The following ARFGEF1 variants were observed in gnomAD, a reference collection of about 807,000 sequenced individuals.
ARFGEF1 encodes the protein brefeldin A-inhibited guanine nucleotide-exchange protein 1.
ARFGEF1 carries 42 observed loss-of-function variants against 231.0 expected under a neutral mutation model. That is an observed-to-expected ratio of 0.18 (90% CI 0.14 to 0.24). ARFGEF1 has a LOEUF of 0.24. Among genes scored for constraint, ARFGEF1 ranks in the 10% least tolerant of loss-of-function variants. The probability of loss-of-function intolerance (pLI) is 1.00; values close to 1 mark genes in which losing one functional copy is unlikely to be tolerated. For synonymous variants in ARFGEF1, 710 were observed against 732.3 expected (o/e 0.97, Z 0.49); for missense variants, 1,345 against 2,192.0 (o/e 0.61, Z 7.72).
intron 7 of ARFGEF1, among the ~76,000 whole-genome samples, chr8:67,281,955 G>A (rs1805554070): frequency 6.6e-6 from 1 of 152,118 alleles, no homozygotes. Flanking sequence ...TTCTGGAGGA[G>A]AAGACTCGAT....
At chr8:67,175,822 G>C (rs1831484225) in intron 5 of ARFGEF1, among the ~76,000 whole-genome samples, 1 of 152,236 alleles carries the variant, frequency 6.6e-6, no homozygotes, top group Admixed American at 6.5e-5. Context: ...GTCTACTGTG[G>C]TGTGAGTGTG....
At chr8:67,211,208 G>A (rs1472473696) in intron 34 of ARFGEF1, among the ~76,000 whole-genome samples, 2 of 150,620 alleles carry the variant, frequency 1.3e-5, no homozygotes, top group Non-Finnish European at 3.0e-5. Context: ...GCCGGGCATG[G>A]TGGTACACAC....
chr8:67,333,553 ATC>A (rs1359115161), intron 1 of ARFGEF1, among the ~76,000 whole-genome samples: 2 of 151,652 alleles, frequency 1.3e-5, no homozygotes, highest in Admixed American at 6.6e-5. Context: ...GGATCAAGGG[ATC>A]TCCCTGTCTT....
At chr8:67,341,812 C>T (rs1276881492) in intron 1 of ARFGEF1, among the ~76,000 whole-genome samples, 1 of 152,138 alleles carries the variant, frequency 6.6e-6, no homozygotes, top group Non-Finnish European at 1.5e-5. Context: ...CGGGAACAGT[C>T]TTTTGTTAGC....
intron 8 of ARFGEF1, among the ~76,000 whole-genome samples, chr8:67,276,323 T>C (rs1805311933): frequency 6.6e-6 from 1 of 152,080 alleles, no homozygotes; most frequent in African/African-American, 2.4e-5. Flanking sequence ...ACTTTAAAAA[T>C]ATTCCTTATT....
Position 67,258,072 on chromosome 8 carries a change from G to A in ARFGEF1, c.2441+13C>T, listed in dbSNP as rs1563869227. ...TATAACAGACAATCAATGAGCATTTGAACCTTATTTACCCTTGGTTGCATT... is the reference window on the plus strand; with the variant it reads ...TATAACAGACAATCAATGAGCATTTAAACCTTATTTACCCTTGGTTGCATT... On this transcript the variant is annotated intron_variant, in intron 16 of 38. Coordinates refer to ENST00000262215, the MANE Select transcript of ARFGEF1 (RefSeq NM_006421.5). The A allele has an allele frequency of 9.4e-6, 15 of 1,600,538 alleles. No individual in the cohort carries two copies. Among genetic ancestry groups the A allele is most frequent in the Non-Finnish European group, 1.1e-5 (13 of 1,167,898 alleles).
intron 20 of ARFGEF1, among the ~76,000 whole-genome samples, chr8:67,239,537 T>TA (rs564176207): frequency 0.04 from 5,905 of 146,628 alleles, 265 homozygotes; most frequent in African/African-American, 0.1. Flanking sequence ...ATTCACACAG[T>TA]AAAAAAAAAA....
intron 5 of ARFGEF1, among the ~76,000 whole-genome samples, chr8:67,182,104 A>C (rs1833195354): frequency 6.6e-6 from 1 of 152,014 alleles, no homozygotes. Flanking sequence ...CTGTGCTCAG[A>C]TGATTCTCCT....
intron 9 of ARFGEF1, among the ~76,000 whole-genome samples, chr8:67,274,524 A>C (rs1260763958): frequency 6.6e-6 from 1 of 152,052 alleles, no homozygotes; most frequent in Non-Finnish European, 1.5e-5. Flanking sequence ...TTCCTCATAA[A>C]AATCCTTTGT....
At chr8:67,336,415 G>A (rs182339186) in intron 1 of ARFGEF1, among the ~76,000 whole-genome samples, 17 of 152,326 alleles carry the variant, frequency 1.1e-4, no homozygotes, top group African/African-American at 3.6e-4. Context: ...CATTTCCTAA[G>A]GCTGCCTTAA....
At chr8:67,321,891 T>C (rs546716965) in intron 1 of ARFGEF1, among the ~76,000 whole-genome samples, 2 of 152,204 alleles carry the variant, frequency 1.3e-5, no homozygotes, top group African/African-American at 2.4e-5. Flanking sequence ...AGAGTGATCA[T>C]GACAAAGATA....
At chr8:67,270,265 C>A (rs190410185) in intron 10 of ARFGEF1, among the ~76,000 whole-genome samples, 3 of 152,214 alleles carry the variant, frequency 2.0e-5, no homozygotes, top group Admixed American at 1.3e-4. Flanking sequence ...AAAATGGTTT[C>A]CTGTCCAAAA....
At chr8:67,310,903 G>A (rs1223023726) in intron 1 of ARFGEF1, among the ~76,000 whole-genome samples, 2 of 151,530 alleles carry the variant, frequency 1.3e-5, no homozygotes, top group East Asian at 4.0e-4. Context: ...CCACCCGGCA[G>A]CCACCCCATC....
chr8:67,307,526 A>G (rs1563905470), intron 1 of ARFGEF1, among the ~76,000 whole-genome samples: 1 of 152,220 alleles, frequency 6.6e-6, no homozygotes, highest in African/African-American at 2.4e-5. Flanking sequence ...TAGGAAGAAA[A>G]GGGGTTTTGG....
intron 34 of ARFGEF1, among the ~76,000 whole-genome samples, 169 bp downstream of exon 34, chr8:67,211,314 C>T (rs1838738493): frequency 7.0e-6 from 1 of 142,404 alleles, no homozygotes; most frequent in Non-Finnish European, 1.5e-5. Context: ...CCACTGTACT[C>T]CAGACTGGGC....
Position 67,343,166 on chromosome 8 carries a change from A to G in ARFGEF1, c.122T>C (p.Leu41Ser), listed in dbSNP as rs1808735194. Reference sequence around the variant, plus strand: ...CCCCGGGCCTCCTCCCCGCTCACCTAACGCCACCTCGCAAGCTTTGCGCAG... The same window carrying G: ...CCCCGGGCCTCCTCCCCGCTCACCTGACGCCACCTCGCAAGCTTTGCGCAG... The part of the protein sequence containing the change: ...SQLRKACEVA[L>S]EEIKAETEKQ... Residue 41 changes from leucine to serine, a missense_variant and splice_region_variant, in exon 1 of 39, where the codon TTA becomes TCA. By Grantham distance (145) the Leu-to-Ser change is moderately radical (BLOSUM62 -2). Coordinates refer to ENST00000262215, the MANE Select transcript of ARFGEF1 (RefSeq NM_006421.5). The G allele has an allele frequency of 2.1e-6, 3 of 1,441,358 alleles. No individual in the cohort carries two copies. Among genetic ancestry groups the G allele is most frequent in the Non-Finnish European group, 2.8e-6 (3 of 1,083,118 alleles). 89.3% of individuals were successfully genotyped at this position (1,441,358 alleles called of 1,614,324 possible). A position where few individuals can be genotyped will look rare whatever the true frequency, so the allele number is the denominator to read the frequency against.
intron 5 of ARFGEF1, among the ~76,000 whole-genome samples, chr8:67,292,942 C>A (rs986761465): frequency 1.3e-5 from 2 of 151,846 alleles, no homozygotes; most frequent in African/African-American, 4.8e-5. Flanking sequence ...GTGGAAATGC[C>A]AGAATTACAC....
rs754267914 is a variant in ARFGEF1 at position 67,302,475 on chromosome 8, A to G, written c.125-9T>C. The G allele has an allele frequency of 5.5e-5, 83 of 1,495,866 alleles. No homozygotes were observed. Among genetic ancestry groups the G allele is most frequent in the Middle Eastern group, 1.8e-4 (1 of 5,572 alleles). 92.7% of individuals were successfully genotyped at this position (1,495,866 alleles called of 1,614,324 possible). On this transcript the variant is annotated splice_polypyrimidine_tract_variant and intron_variant, in intron 1 of 38. Transcript: ENST00000262215. ...TTCCGCTTTTATTTCCTCTGAGGGG[A>G]AAAAAAAAGAAGCATACATTAGAAA...
At chr8:67,317,570 A>T (rs1019783719) in intron 1 of ARFGEF1, among the ~76,000 whole-genome samples, 1 of 150,898 alleles carries the variant, frequency 6.6e-6, no homozygotes, top group African/African-American at 2.4e-5. Flanking sequence ...AAATACCATG[A>T]CCCACTGGGG....
Sources: gnomAD v4.1 joint callset for allele counts (sites outside exome capture counted in the v4.1 genomes callset) on GRCh38, gnomAD v4.1.1 for gene constraint, MANE v1.5 for transcripts, NCBI Gene and HGNC (gene_info 2026-07-23, HGNC 2026-07-21) for gene names.